Variants in CNOT8 observed in about 807,000 individuals in gnomAD.
The protein encoded by CNOT8 is CCR4-NOT transcription complex subunit 8.
In CNOT8, 18 loss-of-function variants were observed where a neutral mutation model predicts 34.6. The observed-to-expected ratio is 0.52, with a 90% CI of 0.36 to 0.77. The LOEUF (loss-of-function observed/expected upper bound fraction) is 0.77, where lower values mean the gene tolerates loss of function less well. CNOT8 is among the 30% of genes least tolerant of loss of function. CNOT8 has a pLI of 0.00. For synonymous variants in CNOT8, 101 were observed against 118.8 expected (o/e 0.85, Z 0.98); for missense variants, 189 against 347.9 (o/e 0.54, Z 3.63).
At chr5:154,869,946 A>G (rs997642415) in intron 3 of CNOT8, among the ~76,000 whole-genome samples, 2 of 152,080 alleles carry the variant, frequency 1.3e-5, no homozygotes, top group African/African-American at 4.8e-5. Context: ...TTTGGTAGAG[A>G]CAGGGTTTCA....
intron 1 of CNOT8, among the ~76,000 whole-genome samples, chr5:154,861,796 T>C (rs1232592336): frequency 6.6e-6 from 1 of 152,196 alleles, no homozygotes; most frequent in Non-Finnish European, 1.5e-5. Context: ...CCTCCTGGGT[T>C]CAAGCGATTC....
chr5:154,863,429 C>G (rs757629583), intron 2 of CNOT8, 34 bp downstream of exon 2: 2 of 1,500,644 alleles, frequency 1.3e-6, no homozygotes, highest in South Asian at 2.3e-5. Flanking sequence ...CCTTCTTTGT[C>G]ACTTTTAAAG....
Position 154,863,341 on chromosome 5 carries a change from A to G in CNOT8, c.63A>G (p.Glu21=). 2 of 1,614,138 alleles carry G rather than the reference A, an allele frequency of 1.2e-6. No individual in the cohort carries two copies. Among genetic ancestry groups the G allele is most frequent in the South Asian group, 1.1e-5 (1 of 91,084 alleles). ...GTGAAGTGTGGGCCAGTAATCTAGAAGAAGAGATGAGGAAGATCCGAGAAA... is the reference window on the plus strand; with the variant it reads ...GTGAAGTGTGGGCCAGTAATCTAGAGGAAGAGATGAGGAAGATCCGAGAAA... ...VICEVWASNL[E]EEMRKIREIV... is the part of the protein sequence containing the mutation. Residue 21 remains glutamate (E), a synonymous_variant, in exon 2 of 7, where the codon GAA becomes GAG. Coordinates refer to ENST00000285896, the MANE Select transcript of CNOT8 (RefSeq NM_001301073.2).
At chr5:154,868,655 C>T (rs1261526991) in intron 3 of CNOT8, among the ~76,000 whole-genome samples, 1 of 152,206 alleles carries the variant, frequency 6.6e-6, no homozygotes. Context: ...GGAACAGGCA[C>T]TTCTTTCTCC....
intron 3 of CNOT8, among the ~76,000 whole-genome samples, chr5:154,867,512 T>C (rs1296510540): frequency 6.6e-6 from 1 of 152,242 alleles, no homozygotes; most frequent in African/African-American, 2.4e-5. Context: ...TACACTAGTA[T>C]TCATTGTTTG....
intron 3 of CNOT8, among the ~76,000 whole-genome samples, chr5:154,869,425 G>A (rs1176996139): frequency 1.6e-5 from 2 of 127,364 alleles, no homozygotes; most frequent in African/African-American, 5.9e-5. Flanking sequence ...GGCCTTGTTG[G>A]TTTTTTTTTT....
intron 1 of CNOT8, among the ~76,000 whole-genome samples, chr5:154,860,683 T>C (rs928239030): frequency 3.3e-5 from 5 of 152,210 alleles, no homozygotes; most frequent in Non-Finnish European, 5.9e-5. Flanking sequence ...AAATTAAATG[T>C]GCATAGTGCG....
In CNOT8 at chr5:154,872,677, G is replaced by A. The variant is rs755796565; in HGVS notation, c.729+26G>A. 4 of 1,454,812 alleles carry A rather than the reference G, an allele frequency of 2.7e-6. No individual in the cohort carries two copies. In the South Asian group the frequency reaches 4.7e-5, roughly 17 times the overall value. 90.1% of individuals were successfully genotyped at this position (1,454,812 alleles called of 1,614,324 possible). A position where few individuals can be genotyped will look rare whatever the true frequency, so the allele number is the denominator to read the frequency against. Reference sequence around the variant, plus strand: ...GTAAGCTTCCTTGAATGTGATCACAGGCCTCTCGGCAGTAACTTGCTGAAG... The same window carrying A: ...GTAAGCTTCCTTGAATGTGATCACAAGCCTCTCGGCAGTAACTTGCTGAAG... On this transcript the variant is annotated intron_variant, in intron 6 of 6. Coordinates refer to ENST00000285896, the MANE Select transcript of CNOT8 (RefSeq NM_001301073.2).
At chr5:154,858,269 A>T (rs1267134621), upstream of CNOT8, 3 of 151,252 alleles carry the variant, frequency 2.0e-5, no homozygotes, top group African/African-American at 4.9e-5. Context: ...AAAATGGAGG[A>T]GTAAGAATCA....
chr5:154,870,012 C>T (rs1762321399), intron 3 of CNOT8, among the ~76,000 whole-genome samples: 1 of 152,148 alleles, frequency 6.6e-6, no homozygotes, highest in Non-Finnish European at 1.5e-5. Flanking sequence ...CCTGTCTCAG[C>T]CTCCCAAAGT....
rs775403405 is a variant in CNOT8, at chr5:154,863,443, G to A, written c.117+48G>A. 1.3e-5 allele frequency: 18 copies of A among 1,409,500 alleles called. No individual in the cohort carries two copies. In the Middle Eastern group the frequency reaches 1.3e-3, roughly 104 times the overall value. 87.3% of individuals were successfully genotyped at this position (1,409,500 alleles called of 1,614,324 possible). On this transcript the variant is annotated intron_variant, in intron 2 of 6. Transcript: ENST00000285896. ...ACCTTCTTTGTCACTTTTAAAGTTGGGGTCTTGCTCTGTTGCCCAGGCTGG... is the reference window on the plus strand; with the variant it reads ...ACCTTCTTTGTCACTTTTAAAGTTGAGGTCTTGCTCTGTTGCCCAGGCTGG...
intron 6 of CNOT8, among the ~76,000 whole-genome samples, chr5:154,873,536 T>C (rs1762675010): frequency 6.6e-6 from 1 of 152,258 alleles, no homozygotes; most frequent in African/African-American, 2.4e-5. Context: ...ATTAGACTCT[T>C]AATTTCTTCT....
intron 2 of CNOT8, 51 bp from the exon 3 acceptor site, chr5:154,865,141 G>C: frequency 2.2e-6 from 3 of 1,355,486 alleles, no homozygotes; most frequent in Non-Finnish European, 2.0e-6. Flanking sequence ...TACCAATTCA[G>C]CATCCACTGT....
intron 2 of CNOT8, among the ~76,000 whole-genome samples, chr5:154,864,087 G>C (rs1354420746): frequency 6.6e-6 from 1 of 152,084 alleles, no homozygotes; most frequent in African/African-American, 2.4e-5. Context: ...CTCCAGTCCC[G>C]ATTACTTGTA....
chr5:154,862,396 G>C (rs1300087168), intron 1 of CNOT8, among the ~76,000 whole-genome samples: 1 of 152,016 alleles, frequency 6.6e-6, no homozygotes, highest in Non-Finnish European at 1.5e-5. Flanking sequence ...CTTGCACCCA[G>C]GAGGCAAAGG....
chr5:154,863,960 A>G (rs1483688575), intron 2 of CNOT8, among the ~76,000 whole-genome samples: 1 of 152,124 alleles, frequency 6.6e-6, no homozygotes, highest in African/African-American at 2.4e-5. Flanking sequence ...AAAAAAAAAA[A>G]TAGGAAGATC....
intron 3 of CNOT8, among the ~76,000 whole-genome samples, chr5:154,867,349 G>T (rs1582596720): frequency 6.6e-6 from 1 of 152,084 alleles, no homozygotes; most frequent in East Asian, 1.9e-4. Context: ...GGATCTGTGG[G>T]GTAGCATTAT....
At position 154,863,473 on chromosome 5, in the gene CNOT8, C is replaced by T. The variant is rs574089890; in HGVS notation, c.117+78C>T. 398 of 1,022,076 alleles carry T rather than the reference C, an allele frequency of 3.9e-4. 2 individuals carry two copies. The highest frequency in any genetic ancestry group is 5.6e-4 in the Non-Finnish European group (362 of 647,632). The allele number at this position is 1,022,076 out of a possible 1,614,324, so 63.3% of individuals were successfully genotyped here. Reference sequence around the variant, plus strand: ...TTGCTCTGTTGCCCAGGCTGGAGTGCGGTGGCTATTCACAGATGCAATCAT... The same window carrying T: ...TTGCTCTGTTGCCCAGGCTGGAGTGTGGTGGCTATTCACAGATGCAATCAT... On this transcript the variant is annotated intron_variant, in intron 2 of 6. Coordinates refer to ENST00000285896, the MANE Select transcript of CNOT8 (RefSeq NM_001301073.2).
chr5:154,865,669 G>A (rs1031484794), intron 3 of CNOT8, among the ~76,000 whole-genome samples: 11 of 152,164 alleles, frequency 7.2e-5, no homozygotes, highest in Admixed American at 3.3e-4. Context: ...AACCCACATT[G>A]GGATACCACT....
Sources: gnomAD v4.1 joint callset for allele counts (sites outside exome capture counted in the v4.1 genomes callset) on GRCh38, gnomAD v4.1.1 for gene constraint, MANE v1.5 for transcripts, NCBI Gene and HGNC (gene_info 2026-07-23, HGNC 2026-07-21) for gene names.